Variants in MGAT5 observed in about 807,000 individuals in gnomAD.
MGAT5 encodes the protein alpha-1,6-mannosylglycoprotein 6-beta-N-acetylglucosaminyltransferase.
In MGAT5, 30 loss-of-function variants were observed where a neutral mutation model predicts 94.3. The observed-to-expected ratio is 0.32, with a 90% CI of 0.24 to 0.43. The LOEUF is 0.43. Ranked by LOEUF, MGAT5 falls within the 20% of genes least tolerant of loss-of-function variation. The pLI is 1.00. For synonymous variants in MGAT5, 310 were observed against 322.9 expected, an observed-to-expected ratio of 0.96 and a Z score of 0.43; for missense variants, 691 against 905.5, an observed-to-expected ratio of 0.76 and a Z score of 3.04.
chr2:134,146,032 G>GT (rs1403774821), intron 1 of MGAT5, among the ~76,000 whole-genome samples: 3 of 152,176 alleles, frequency 2.0e-5, no homozygotes, highest in African/African-American at 7.2e-5. Flanking sequence ...TCTCTCATGA[G>GT]TTCTTTACTC....
intron 2 of MGAT5, among the ~76,000 whole-genome samples, chr2:134,272,160 C>T (rs553686642): frequency 3.9e-5 from 6 of 152,152 alleles, no homozygotes; most frequent in South Asian, 2.1e-4. Flanking sequence ...AGCACAGGGT[C>T]GTGGGTACAC....
At chr2:134,228,892 T>C (rs1490886975) in intron 1 of MGAT5, among the ~76,000 whole-genome samples, 1 of 152,130 alleles carries the variant, frequency 6.6e-6, no homozygotes, top group Non-Finnish European at 1.5e-5. Context: ...AGGGTCTCAG[T>C]CCCCCACCTG....
chr2:134,246,252 C>A (rs1284415370), intron 1 of MGAT5, among the ~76,000 whole-genome samples: 1 of 151,402 alleles, frequency 6.6e-6, no homozygotes, highest in Admixed American at 6.6e-5. Flanking sequence ...ACCCTGCCTG[C>A]TCCTGAGCTC....
intron 1 of MGAT5, among the ~76,000 whole-genome samples, chr2:134,200,164 C>G (rs1243317752): frequency 7.4e-5 from 11 of 149,108 alleles, no homozygotes; most frequent in African/African-American, 2.2e-4. Flanking sequence ...CCCATTCCCC[C>G]CCTGCCCCGC....
intron 10 of MGAT5, among the ~76,000 whole-genome samples, chr2:134,376,630 C>T (rs1332538297): frequency 6.6e-6 from 1 of 152,202 alleles, no homozygotes; most frequent in African/African-American, 2.4e-5. Context: ...TCTGGAAGAG[C>T]CTTCCTTGCT....
chr2:134,317,174 G>A (rs1687043728), intron 2 of MGAT5, among the ~76,000 whole-genome samples: 1 of 152,152 alleles, frequency 6.6e-6, no homozygotes, highest in Non-Finnish European at 1.5e-5. Context: ...ACCAGTGCTG[G>A]AGGACCCTCC....
At position 134,439,233 on chromosome 2, in the gene MGAT5, C is replaced by A. The variant is rs954066990; in HGVS notation, c.1870-2525C>A. On this transcript the variant is annotated intron_variant, in intron 14 of 15. Transcript: ENST00000281923. ...AACCCTAAGAAATCATCAGTATCATCATCTTCCTTTTTCTGATGAGGAAAC... is the reference window on the plus strand; with the variant it reads ...AACCCTAAGAAATCATCAGTATCATAATCTTCCTTTTTCTGATGAGGAAAC... 2.6e-5 allele frequency among the ~76,000 whole-genome samples: 4 copies of A among 152,262 alleles called. No homozygotes were observed. The East Asian group carries it at 7.7e-4, about 29-fold the overall frequency.
intron 1 of MGAT5, among the ~76,000 whole-genome samples, chr2:134,233,210 T>A (rs1375912123): frequency 4.6e-5 from 7 of 152,174 alleles, no homozygotes; most frequent in Non-Finnish European, 8.8e-5. Context: ...TATTCATAAG[T>A]CTAAAATATA....
At position 134,162,056 on chromosome 2, in the gene MGAT5, G is replaced by A. The variant is rs188230672; in HGVS notation, c.-143+41765G>A. ...AAAAAAAAAATTAGCTGGTCATGGTGGTGCACGCCTGTAACTCCAACTGCT... is the reference window on the plus strand; with the variant it reads ...AAAAAAAAAATTAGCTGGTCATGGTAGTGCACGCCTGTAACTCCAACTGCT... On this transcript the variant is annotated intron_variant, in intron 1 of 16. Coordinates refer to the MGAT5 transcript ENST00000409645. 6.6e-5 allele frequency among the ~76,000 whole-genome samples: 10 copies of A among 152,028 alleles called. No homozygotes were observed. The East Asian group carries it at 1.9e-3, about 30-fold the overall frequency.
chr2:134,248,664 T>C (rs1682416711), intron 1 of MGAT5, among the ~76,000 whole-genome samples: 1 of 144,988 alleles, frequency 6.9e-6, no homozygotes, highest in African/African-American at 2.6e-5. Flanking sequence ...TGGGAACCAC[T>C]AAGTTAGAGC....
At chr2:134,324,827 G>A (rs1687546913) in intron 4 of MGAT5, among the ~76,000 whole-genome samples, 1 of 152,046 alleles carries the variant, frequency 6.6e-6, no homozygotes, top group Non-Finnish European at 1.5e-5. Flanking sequence ...CAAATGTTCA[G>A]CCATTTGAAA....
chr2:134,298,071 T>C (rs1265276965), intron 2 of MGAT5, among the ~76,000 whole-genome samples: 1 of 152,326 alleles, frequency 6.6e-6, no homozygotes, highest in East Asian at 1.9e-4. Flanking sequence ...GAATTATTTG[T>C]ATAAATAATA....
At chr2:134,412,719 G>A in intron 11 of MGAT5, 150 bp from the exon 12 acceptor site, 3 of 928,626 alleles carry the variant, frequency 3.2e-6, no homozygotes, top group Non-Finnish European at 4.9e-6. Flanking sequence ...AATTCTCTCT[G>A]CCCCACCCCC....
intron 11 of MGAT5, among the ~76,000 whole-genome samples, chr2:134,412,316 G>T (rs148378688): frequency 4.4e-4 from 67 of 152,272 alleles, no homozygotes; most frequent in Non-Finnish European, 7.2e-4. Flanking sequence ...GGTGTCCCCA[G>T]TGTAAACCCC....
At chr2:134,318,760 C>T in intron 4 of MGAT5, 21 bp downstream of exon 4, 1 of 1,560,608 alleles carries the variant, frequency 6.4e-7, no homozygotes, top group Non-Finnish European at 8.8e-7. Flanking sequence ...TTCTGTGGCT[C>T]CTGGGGGTAG....
intron 1 of MGAT5, among the ~76,000 whole-genome samples, chr2:134,238,230 TC>T (rs1681771181): frequency 6.6e-6 from 1 of 152,176 alleles, no homozygotes; most frequent in Non-Finnish European, 1.5e-5. Flanking sequence ...ATTGCTTAGT[TC>T]TTTGTGCCTC....
At chr2:134,349,960 A>G (rs1256952217) in intron 9 of MGAT5, 22 bp downstream of exon 9, 5 of 1,612,098 alleles carry the variant, frequency 3.1e-6, no homozygotes, top group African/African-American at 1.3e-5. Context: ...TGTTTCATGT[A>G]TGCTTTCCAG....
At chr2:134,147,362 A>G (rs1686966722) in intron 1 of MGAT5, among the ~76,000 whole-genome samples, 1 of 152,200 alleles carries the variant, frequency 6.6e-6, no homozygotes, top group Admixed American at 6.5e-5. Flanking sequence ...AAAGGAACCT[A>G]TTGATTAAAT....
At chr2:134,384,241 C>T (rs1375456346) in intron 10 of MGAT5, among the ~76,000 whole-genome samples, 1 of 147,878 alleles carries the variant, frequency 6.8e-6, no homozygotes, top group Non-Finnish European at 1.5e-5. Context: ...TCATCATCCT[C>T]TCATCCAGAT....
Sources: gnomAD v4.1 joint callset for allele counts (sites outside exome capture counted in the v4.1 genomes callset) on GRCh38, gnomAD v4.1.1 for gene constraint, MANE v1.5 for transcripts, NCBI Gene and HGNC (gene_info 2026-07-23, HGNC 2026-07-21) for gene names.